PRUNE2: variants seen among roughly 807,000 people sequenced by gnomAD.
PRUNE2 encodes prune homolog 2 with BCH domain, also known as protein prune homolog 2.
Under a neutral mutation model 252.0 loss-of-function variants are expected in PRUNE2, and 164 were observed. The observed-to-expected ratio is 0.65, with a 90% confidence interval of 0.57 to 0.74. The LOEUF is 0.74. Among genes scored for constraint, PRUNE2 ranks in the 30% least tolerant of loss-of-function variants. The pLI is 0.00. For missense variants in PRUNE2, 3,495 were observed against 3,711.0 expected, an observed-to-expected ratio of 0.94 and a Z score of 1.51; for synonymous variants, 1,292 against 1,350.2, an observed-to-expected ratio of 0.96 and a Z score of 0.94.
At chr9:76,905,538 G>A (rs550672853) in intron 1 of PRUNE2, among the ~76,000 whole-genome samples, 1 of 152,296 alleles carries the variant, frequency 6.6e-6, no homozygotes, top group African/African-American at 2.4e-5. Context: ...AGTTCTAAGG[G>A]TCTCTTTTTT....
intron 1 of PRUNE2, among the ~76,000 whole-genome samples, chr9:76,865,415 G>T (rs773671054): frequency 5.3e-5 from 8 of 152,182 alleles, no homozygotes; most frequent in Non-Finnish European, 8.8e-5. Flanking sequence ...AGAAATAAAT[G>T]TATGCATTAA....
At position 76,707,954 on chromosome 9, in the gene PRUNE2, T is replaced by C; in HGVS notation, c.4320A>G (p.Ser1440=). 2 of 1,613,978 alleles carry C rather than the reference T, an allele frequency of 1.2e-6. No individual in the cohort carries two copies. The highest frequency in any genetic ancestry group is 8.5e-7 in the Non-Finnish European group (1 of 1,179,890). Residue 1440 remains serine (S), a synonymous_variant, in exon 8 of 19, where the codon TCA becomes TCG. Transcript: ENST00000376718. ...CATCTGAAGTCTCAGTAGTTTCACC[T>C]GAATTTCTTTGACTCATGAGGTGTT... ...HEKHLMSQRN[S]GETTETSDGM...
chr9:76,627,873 G>T (rs964454561), intron 16 of PRUNE2: 3 of 432,846 alleles, frequency 6.9e-6, no homozygotes, highest in African/African-American at 6.1e-5. Flanking sequence ...TTAAATAAAT[G>T]ATATAAATAG....
intron 4 of PRUNE2, among the ~76,000 whole-genome samples, chr9:76,831,275 G>C (rs1164427024): frequency 6.6e-6 from 1 of 151,038 alleles, no homozygotes; most frequent in African/African-American, 2.4e-5. Flanking sequence ...AGAAAAAAAT[G>C]AAAGAAGTCT....
At chr9:76,882,582 G>A (rs983355866) in intron 1 of PRUNE2, among the ~76,000 whole-genome samples, 7 of 152,150 alleles carry the variant, frequency 4.6e-5, no homozygotes, top group Non-Finnish European at 2.9e-5. Context: ...GAAAGAAAGC[G>A]GGGAGCAAAG....
At chr9:76,830,276 T>C (rs1458536327) in intron 4 of PRUNE2, among the ~76,000 whole-genome samples, 1 of 152,146 alleles carries the variant, frequency 6.6e-6, no homozygotes, top group African/African-American at 2.4e-5. Context: ...AAGGAGAGAA[T>C]GGAGCTGTAG....
chr9:76,857,897 C>T (rs544040976), intron 1 of PRUNE2, among the ~76,000 whole-genome samples: 5 of 152,230 alleles, frequency 3.3e-5, no homozygotes, highest in African/African-American at 9.6e-5. Context: ...AACTAGTTCA[C>T]GGAACCCAAA....
intron 6 of PRUNE2, among the ~76,000 whole-genome samples, chr9:76,793,919 C>T (rs1046049372): frequency 3.3e-5 from 5 of 152,124 alleles, no homozygotes; most frequent in South Asian, 2.1e-4. Flanking sequence ...ATATTTCTTC[C>T]GGCCTGCTTT....
At chr9:76,883,124 T>A (rs149055760) in intron 1 of PRUNE2, among the ~76,000 whole-genome samples, 2 of 152,358 alleles carry the variant, frequency 1.3e-5, no homozygotes, top group African/African-American at 4.8e-5. Context: ...GCCCTGGCCA[T>A]AGATCCCCTG....
At chr9:76,862,899 G>C (rs796748056) in intron 1 of PRUNE2, 23 of 152,040 alleles carry the variant, frequency 1.5e-4, no homozygotes, top group African/African-American at 5.1e-4. Context: ...ATTAAATCTT[G>C]TTGTGGCCAT....
intron 6 of PRUNE2, among the ~76,000 whole-genome samples, chr9:76,771,335 G>A (rs1014587635): frequency 3.9e-5 from 6 of 152,024 alleles, no homozygotes; most frequent in African/African-American, 7.2e-5. Context: ...AAATGAAAAC[G>A]AATAAACTCA....
intron 6 of PRUNE2, among the ~76,000 whole-genome samples, chr9:76,741,976 A>ATG (rs1305420908): frequency 1.3e-5 from 2 of 152,214 alleles, no homozygotes; most frequent in Non-Finnish European, 2.9e-5. Flanking sequence ...GACTAATAAA[A>ATG]TGTTAACAAC....
Position 76,826,740 on chromosome 9 carries a change from G to A in PRUNE2, c.509-8C>T, listed in dbSNP as rs2058366405. On this transcript the variant is annotated splice_region_variant and splice_polypyrimidine_tract_variant and intron_variant, in intron 4 of 18. Coordinates refer to ENST00000376718, the MANE Select transcript of PRUNE2 (RefSeq NM_015225.3). The stretch of plus-strand genomic sequence containing the variant: ...ACTTGAAAAGAATGCTACCTGAAAG[G>A]TATGAATAAAAATGCTCTTAAAGCT... 6.3e-7 allele frequency: 1 copy of A among 1,592,804 alleles called. No individual in the cohort carries two copies. Among genetic ancestry groups the A allele is most frequent in the East Asian group, 2.3e-5 (1 of 44,196 alleles).
At chr9:76,791,312 C>T (rs1452061037) in intron 6 of PRUNE2, among the ~76,000 whole-genome samples, 1 of 56,482 alleles carries the variant, frequency 1.8e-5, no homozygotes. Context: ...CACCAATTAT[C>T]ATTGGTACAA....
intron 3 of PRUNE2, among the ~76,000 whole-genome samples, chr9:76,847,629 T>A (rs931259437): frequency 1.3e-5 from 2 of 152,156 alleles, no homozygotes; most frequent in African/African-American, 4.8e-5. Context: ...CTGGGCCTAT[T>A]TTCCTTCCAC....
chr9:76,692,309 A>G (rs2044849445), intron 9 of PRUNE2: 1 of 585,390 alleles, frequency 1.7e-6, no homozygotes, highest in South Asian at 2.1e-5. Context: ...TTGGGAATAT[A>G]CGATACCCTT....
chr9:76,871,694 C>T (rs1259999786), intron 1 of PRUNE2, among the ~76,000 whole-genome samples: 1 of 152,160 alleles, frequency 6.6e-6, no homozygotes, highest in Non-Finnish European at 1.5e-5. Context: ...AGGGGCACAA[C>T]GTCAGCCTAC....
At position 76,706,010 on chromosome 9, in the gene PRUNE2, A is replaced by G; in HGVS notation, c.6264T>C (p.Asp2088=). ...FSLKADGENP[D]ILTHCEHDSN... The stretch of plus-strand genomic sequence containing the variant: ...TGTCATGTTCGCAGTGCGTCAGGAT[A>G]TCAGGATTCTCACCATCTGCTTTCA... Residue 2088 remains aspartate, a synonymous_variant, in exon 8 of 19, where the codon GAT becomes GAC. Transcript: ENST00000376718. 6.2e-7 allele frequency: 1 copy of G among 1,614,048 alleles called. No individual in the cohort carries two copies. Among genetic ancestry groups the G allele is most frequent in the East Asian group, 2.2e-5 (1 of 44,882 alleles).
intron 1 of PRUNE2, among the ~76,000 whole-genome samples, chr9:76,854,524 C>T (rs1287321667): frequency 1.3e-5 from 2 of 152,104 alleles, no homozygotes; most frequent in African/African-American, 4.8e-5. Flanking sequence ...TTCTAAGGGG[C>T]ATAGTATTCT....
Sources: allele counts gnomAD v4.1 joint callset (sites outside exome capture counted in the v4.1 genomes callset), GRCh38; gene constraint gnomAD v4.1.1; transcripts MANE v1.5; gene names NCBI Gene and HGNC (gene_info 2026-07-23, HGNC 2026-07-21).